NADSYN1: variants seen among roughly 807,000 people sequenced by gnomAD.
The protein encoded by NADSYN1 is glutamine-dependent NAD(+) synthetase.
A neutral mutation model predicts 99.3 loss-of-function variants in NADSYN1; 80 were observed. The observed-to-expected ratio is 0.81, with a 90% CI of 0.67 to 0.97. NADSYN1 has a LOEUF of 0.97. NADSYN1 is among the 50% of genes least tolerant of loss of function. The pLI is 0.00. For synonymous variants in NADSYN1, 385 were observed against 372.1 expected, an observed-to-expected ratio of 1.03 and a Z score of -0.40; for missense variants, 859 against 948.5, an observed-to-expected ratio of 0.91 and a Z score of 1.24.
chr11:71,465,921 G>A (rs113858698), intron 5 of NADSYN1, among the ~76,000 whole-genome samples: 7 of 152,248 alleles, frequency 4.6e-5, no homozygotes, highest in East Asian at 1.9e-4. Context: ...AATATACAAT[G>A]AATTTTCCTT....
Position 71,484,411 on chromosome 11 carries a change from A to C in NADSYN1, c.1419A>C (p.Gly473=). The part of the protein sequence containing the change: ...GKSPLFAAHG[G]SSRENLALQN... ...GCCCTCTGTTTGCAGCTCATGGAGG[A>C]AGCAGCAGGGAAAACCTGGCGCTGC... The change falls in exon 15 of 21, where the codon GGA becomes GGC. Residue 473 remains glycine, a synonymous_variant. Coordinates refer to ENST00000319023, the MANE Select transcript of NADSYN1 (RefSeq NM_018161.5). 1 of 1,614,166 alleles carries C rather than the reference A, an allele frequency of 6.2e-7. No homozygotes were observed. The highest frequency in any genetic ancestry group is 8.5e-7 in the Non-Finnish European group (1 of 1,179,998).
chr11:71,460,596 G>A (rs11233747), intron 3 of NADSYN1: 81,340 of 151,932 alleles, frequency 0.54, 25,559 homozygotes, highest in Non-Finnish European at 0.74. Flanking sequence ...GCCTTTTGTT[G>A]GTTCATTTTT....
Position 71,472,325 on chromosome 11 carries a change from T to C in NADSYN1, c.408-124T>C, listed in dbSNP as rs1046418216. 2.5e-4 allele frequency: 206 copies of C among 810,922 alleles called. 1 individual carries two copies. In the Admixed American group the frequency reaches 3.6e-3, roughly 14 times the overall value. 50.2% of individuals were successfully genotyped at this position (810,922 alleles called of 1,614,324 possible). ...TTGTTTATTGCATTGGGGGGAACGC[T>C]TGGCAGTTCCTTTGCCAGTTCATCA... On this transcript the variant is annotated intron_variant, in intron 5 of 20. Coordinates refer to ENST00000319023, the MANE Select transcript of NADSYN1 (RefSeq NM_018161.5).
In NADSYN1 at chr11:71,478,407, G is replaced by T; in HGVS notation, c.811G>T (p.Ala271Ser). The change falls in exon 10 of 21, where the codon GCC becomes TCC. Residue 271 changes from alanine to serine, a missense_variant. Physicochemically the swap from Ala to Ser is moderately conservative, Grantham distance 99. Coordinates refer to ENST00000319023, the MANE Select transcript of NADSYN1 (RefSeq NM_018161.5). ...FSLDDVEVLT[A>S]TLDLEDVRSY... ...TTTCCTTCTCCAGGAAGTCCTGACG[G>T]CCACGCTGGATCTGGAGGACGTCCG... The T allele has an allele frequency of 6.2e-7, 1 of 1,607,470 alleles. No homozygotes were observed. The highest frequency in any genetic ancestry group is 8.5e-7 in the Non-Finnish European group (1 of 1,177,114).
At chr11:71,465,793 A>G (rs1423659267) in intron 5 of NADSYN1, among the ~76,000 whole-genome samples, 3 of 152,194 alleles carry the variant, frequency 2.0e-5, no homozygotes, top group Non-Finnish European at 2.9e-5. Flanking sequence ...AATTTTTTAT[A>G]TAGGAAAACT....
chr11:71,456,112 T>G (rs1380011588), intron 2 of NADSYN1, among the ~76,000 whole-genome samples: 1 of 152,210 alleles, frequency 6.6e-6, no homozygotes, highest in African/African-American at 2.4e-5. Context: ...GTCCCCTGCC[T>G]TAGTGTGTGT....
intron 1 of NADSYN1, among the ~76,000 whole-genome samples, chr11:71,454,359 C>CT: frequency 1.3e-5 from 2 of 152,164 alleles, no homozygotes; most frequent in Middle Eastern, 6.8e-3. Context: ...TTACAGGCGT[C>CT]TGCCACCATG....
chr11:71,454,806 G>A (rs1949502357), intron 1 of NADSYN1, among the ~76,000 whole-genome samples: 2 of 152,112 alleles, frequency 1.3e-5, no homozygotes. Context: ...CTCCTCCATG[G>A]TGCTAAGGGT....
rs150859701 is a variant in NADSYN1, at chr11:71,501,313, C to T, written c.2082C>T (p.Leu694=). ...GCCTCTCTTTCCAGGTGCTACAGCTCGAGAGGGCAGAGCCACAGTCCCTGG... is the reference window on the plus strand; with the variant it reads ...GCCTCTCTTTCCAGGTGCTACAGCTTGAGAGGGCAGAGCCACAGTCCCTGG... ...FRCIENQVLQ[L]ERAEPQSLDG... is the part of the protein sequence containing the mutation. The change falls in exon 21 of 21, where the codon CTC becomes CTT. Residue 694 remains leucine (L), a synonymous_variant. Coordinates refer to ENST00000319023, the MANE Select transcript of NADSYN1 (RefSeq NM_018161.5). 13 of 1,599,130 alleles carry T rather than the reference C, an allele frequency of 8.1e-6. No homozygotes were observed. Among genetic ancestry groups the T allele is most frequent in the Non-Finnish European group, 1.0e-5 (12 of 1,173,052 alleles).
chr11:71,463,375 T>A (rs1438333341), intron 3 of NADSYN1, 57 bp from the exon 4 acceptor site: 2 of 1,484,188 alleles, frequency 1.3e-6, no homozygotes, highest in African/African-American at 2.8e-5. Flanking sequence ...GCTGCCTCCA[T>A]GTGCTCTGTG....
intron 9 of NADSYN1, 51 bp downstream of exon 9, chr11:71,474,577 C>A: frequency 1.9e-6 from 3 of 1,611,424 alleles, no homozygotes; most frequent in Non-Finnish European, 1.7e-6. Flanking sequence ...GTGCAGAGAC[C>A]GAGCTCCTGG....
intron 5 of NADSYN1, among the ~76,000 whole-genome samples, chr11:71,470,685 C>T (rs1322942973): frequency 1.3e-5 from 2 of 152,188 alleles, no homozygotes; most frequent in Non-Finnish European, 2.9e-5. Context: ...TGGGGATTCT[C>T]CTTATTTTTT....
chr11:71,478,602 G>T, intron 10 of NADSYN1, 133 bp downstream of exon 10: 3 of 797,972 alleles, frequency 3.8e-6, no homozygotes, highest in Non-Finnish European at 4.1e-6. Context: ...CGGACTTCCC[G>T]AGCGTGGAAA....
chr11:71,453,713 T>C (rs564830289), intron 1 of NADSYN1, among the ~76,000 whole-genome samples: 2 of 152,240 alleles, frequency 1.3e-5, no homozygotes, highest in East Asian at 1.9e-4. Flanking sequence ...CTCGGAGATA[T>C]CTAAGTTGAA....
At chr11:71,478,254 C>T (rs1949682906) in intron 9 of NADSYN1, 141 bp from the exon 10 acceptor site, 1 of 685,414 alleles carries the variant, frequency 1.5e-6, no homozygotes, top group African/African-American at 1.8e-5. Flanking sequence ...ATGTCATCTG[C>T]CCCATCCCTG....
chr11:71,464,027 G>T, intron 4 of NADSYN1, 26 bp from the exon 5 acceptor site: 2 of 1,582,884 alleles, frequency 1.3e-6, no homozygotes, highest in Non-Finnish European at 8.6e-7. Flanking sequence ...AGCCCGGTGT[G>T]CACAGCCCTG....
chr11:71,463,862 C>T (rs1487267814), intron 4 of NADSYN1, among the ~76,000 whole-genome samples, 191 bp from the exon 5 acceptor site: 3 of 152,222 alleles, frequency 2.0e-5, no homozygotes, highest in African/African-American at 4.8e-5. Flanking sequence ...TTGACGGTCA[C>T]GAATGGATGC....
chr11:71,501,592 C>A lies in NADSYN1; in HGVS notation c.*240C>A. ...GACCTCCCGCCAGCGTGCGCTTCCC[C>A]GCGAAGTCTGGCATTCTCCGAAGGA... On this transcript the variant is annotated 3_prime_UTR_variant, in exon 21 of 21. Coordinates refer to ENST00000319023, the MANE Select transcript of NADSYN1 (RefSeq NM_018161.5). 1 of 525,876 alleles carries A rather than the reference C, an allele frequency of 1.9e-6. No homozygotes were observed. The highest frequency in any genetic ancestry group is 3.4e-6 in the Non-Finnish European group (1 of 297,974). The allele number at this position is 525,876 out of a possible 1,614,324, so 32.6% of individuals were successfully genotyped here.
chr11:71,488,508 C>T (rs573649980), intron 16 of NADSYN1, among the ~76,000 whole-genome samples: 1 of 152,220 alleles, frequency 6.6e-6, no homozygotes, highest in African/African-American at 2.4e-5. Context: ...GGAAGACCTG[C>T]AGAGCTGTTT....
Sources: gnomAD v4.1 joint callset for allele counts (sites outside exome capture counted in the v4.1 genomes callset) on GRCh38, gnomAD v4.1.1 for gene constraint, MANE v1.5 for transcripts, NCBI Gene and HGNC (gene_info 2026-07-23, HGNC 2026-07-21) for gene names.